The following GLI3 variants were observed in gnomAD, a reference collection of about 807,000 sequenced individuals.
GLI3 encodes transcription activator GLI3.
A neutral mutation model predicts 100.8 loss-of-function variants in GLI3; 20 were observed. The ratio of observed to expected loss-of-function variants is 0.20; its 90% CI spans 0.14 to 0.29. The LOEUF (loss-of-function observed/expected upper bound fraction) is 0.29. Among genes scored for constraint, GLI3 ranks in the 10% least tolerant of loss-of-function variants. The pLI is 1.00. For missense variants in GLI3, 2,040 were observed against 2,128.5 expected, an observed-to-expected ratio of 0.96 and a Z score of 0.82; for synonymous variants, 938 against 860.5, an observed-to-expected ratio of 1.09 and a Z score of -1.58.
intron 4 of GLI3, among the ~76,000 whole-genome samples, chr7:42,072,986 G>A (rs1784812808): frequency 6.6e-6 from 1 of 152,088 alleles, no homozygotes; most frequent in East Asian, 1.9e-4. Context: ...AACTTTCCGA[G>A]GAAACGGGAA....
At chr7:42,230,306 C>A (rs1286894772) in intron 1 of GLI3, among the ~76,000 whole-genome samples, 1 of 152,190 alleles carries the variant, frequency 6.6e-6, no homozygotes, top group African/African-American at 2.4e-5. Context: ...AAATCCACTG[C>A]CTAGTGTCTT....
rs745986297 is a variant in GLI3, at chr7:41,966,192, C to G, written c.2881G>C (p.Gly961Arg). The change falls in exon 15 of 15, where the codon GGG becomes CGG. Residue 961 changes from glycine to arginine, a missense_variant. Coordinates refer to ENST00000395925, the MANE Select transcript of GLI3 (RefSeq NM_000168.6). This position sits in a 1 kb window ranked among gnomAD's most constrained non-coding sequence, Gnocchi z 5.8. The part of the protein sequence containing the change: ...MSLKTRLALL[G>R]DALEPGVALP... ...GCCACGCCAGGCTCGAGGGCATCCC[C>G]GAGCAGCGCCAGGCGCGTCTTCAGG... 4 of 1,605,050 alleles carry G rather than the reference C, an allele frequency of 2.5e-6. No homozygotes were observed. The highest frequency in any genetic ancestry group is 3.4e-6 in the Non-Finnish European group (4 of 1,177,942).
Position 41,968,763 on chromosome 7 carries a change from G to GGAAAGAAA in GLI3, c.2104-848_2104-841dup, listed in dbSNP as rs71006451. On this transcript the variant is annotated intron_variant, in intron 13 of 14. Coordinates refer to ENST00000395925, the MANE Select transcript of GLI3 (RefSeq NM_000168.6). ...AAGAAAGAAAGAAAGAAAGAAAGAA[G>GGAAAGAAA]GAAAGAAAGAAAGAAAGAAAGAAAG... 2.1e-3 allele frequency among the ~76,000 whole-genome samples: 119 copies of GGAAAGAAA among 56,618 alleles called. 1 individual carries two copies. Among genetic ancestry groups the GGAAAGAAA allele is most frequent in the East Asian group, 7.4e-3 (12 of 1,632 alleles). 37.1% of individuals were successfully genotyped at this position (56,618 alleles called of 152,430 possible). A position where few individuals can be genotyped will look rare whatever the true frequency, so the allele number is the denominator to read the frequency against.
At position 42,051,728 on chromosome 7, in the gene GLI3, A is replaced by G. The variant is rs1784356552; in HGVS notation, c.474-3032T>C. 2.6e-5 allele frequency among the ~76,000 whole-genome samples: 4 copies of G among 152,298 alleles called. 1 individual carries two copies. The South Asian group carries it at 8.3e-4, about 32-fold the overall frequency. On this transcript the variant is annotated intron_variant, in intron 4 of 14. Transcript: ENST00000395925. ...ATTCATAGCAAAATTGAGCTGTAGTACAGAGATTTCCCATATAACCCCCAC... is the reference window on the plus strand; with the variant it reads ...ATTCATAGCAAAATTGAGCTGTAGTGCAGAGATTTCCCATATAACCCCCAC...
At chr7:42,055,466 C>T (rs1184861543) in intron 4 of GLI3, among the ~76,000 whole-genome samples, 1 of 151,030 alleles carries the variant, frequency 6.6e-6, no homozygotes, top group South Asian at 2.1e-4. Flanking sequence ...GAAAACAAGT[C>T]CCCTCCTCCC....
intron 4 of GLI3, 45 bp from the exon 5 acceptor site, chr7:42,048,741 A>G (rs1784297021): frequency 2.5e-6 from 3 of 1,198,314 alleles, no homozygotes; most frequent in Non-Finnish European, 3.7e-6. Flanking sequence ...CATGAGACAA[A>G]TATCTCCACA....
At chr7:42,066,437 G>C (rs1266193205) in intron 4 of GLI3, among the ~76,000 whole-genome samples, 1 of 152,098 alleles carries the variant, frequency 6.6e-6, no homozygotes, top group Non-Finnish European at 1.5e-5. Context: ...AAAAAGTCCA[G>C]TCTGTCTGGG....
At position 41,972,618 on chromosome 7, in the gene GLI3, C is replaced by T. The variant is rs767980267; in HGVS notation, c.1822G>A (p.Val608Met). The T allele has an allele frequency of 2.6e-5, 42 of 1,603,716 alleles. No homozygotes were observed. Among genetic ancestry groups the T allele is most frequent in the Non-Finnish European group, 3.6e-5 (42 of 1,179,758 alleles). The change falls in exon 13 of 15, where the codon GTG becomes ATG. Residue 608 changes from valine (V) to methionine (M), a missense_variant. This residue lies in a region of GLI3 where 61 missense variants were observed against 150.9 expected (regional missense o/e 0.40). Transcript: ENST00000395925. This position sits in a 1 kb window ranked among gnomAD's most constrained non-coding sequence, Gnocchi z 4.4. Reference sequence around the variant, plus strand: ...TTAGTGCAGCCTGGGATTTTGCACACATATGGTTTCTGCCAAATCCCACAA... The same window carrying T: ...TTAGTGCAGCCTGGGATTTTGCACATATATGGTTTCTGCCAAATCCCACAA... Reference protein sequence around the residue: ...NRTHSNEKPYVCKIPGCTKRY... With the variant: ...NRTHSNEKPYMCKIPGCTKRY...
intron 3 of GLI3, among the ~76,000 whole-genome samples, chr7:42,134,086 A>AG (rs1786363955): frequency 6.6e-6 from 1 of 151,664 alleles, no homozygotes; most frequent in Non-Finnish European, 1.5e-5. Flanking sequence ...GTCTCAAAAA[A>AG]AAAAAAAAAG....
At chr7:42,109,576 T>G (rs1918381) in intron 3 of GLI3, among the ~76,000 whole-genome samples, 143,568 of 152,288 alleles carry the variant, frequency 0.94, 68,192 homozygotes, top group East Asian at 1. Flanking sequence ...CATTTTCCAG[T>G]TGAGCATTCT....
At chr7:42,063,067 A>G (rs562516452) in intron 4 of GLI3, among the ~76,000 whole-genome samples, 1 of 152,246 alleles carries the variant, frequency 6.6e-6, no homozygotes, top group South Asian at 2.1e-4. Context: ...TAACCATCAC[A>G]CAACACATGC....
intron 10 of GLI3, among the ~76,000 whole-genome samples, chr7:41,994,212 G>A (rs1226439573): frequency 6.6e-6 from 1 of 152,162 alleles, no homozygotes; most frequent in East Asian, 1.9e-4. Flanking sequence ...AGATTAAGCT[G>A]CACTCTATCT....
chr7:42,181,502 G>T (rs3779172), intron 2 of GLI3, among the ~76,000 whole-genome samples: 18,059 of 152,072 alleles, frequency 0.12, 1,199 homozygotes, highest in South Asian at 0.24. Flanking sequence ...CTACATGGGA[G>T]GCTTAGGTGG....
chr7:42,027,747 T>C (rs1273433946), intron 7 of GLI3, among the ~76,000 whole-genome samples: 1 of 152,162 alleles, frequency 6.6e-6, no homozygotes, highest in Admixed American at 6.5e-5. Context: ...CCTAGGAGAA[T>C]TTCACCAGGC....
At chr7:42,154,540 T>C (rs1230733648) in intron 2 of GLI3, among the ~76,000 whole-genome samples, 2 of 152,250 alleles carry the variant, frequency 1.3e-5, no homozygotes, top group African/African-American at 4.8e-5. Flanking sequence ...TCAGCTTTTA[T>C]TTCTTTGGTT....
intron 7 of GLI3, among the ~76,000 whole-genome samples, chr7:42,030,675 A>C (rs1432299731): frequency 6.6e-6 from 1 of 151,820 alleles, no homozygotes; most frequent in Non-Finnish European, 1.5e-5. Flanking sequence ...TACAAATAGA[A>C]ATTATTACTA....
At chr7:42,032,586 A>G (rs1156762641) in intron 7 of GLI3, among the ~76,000 whole-genome samples, 1 of 152,202 alleles carries the variant, frequency 6.6e-6, no homozygotes, top group African/African-American at 2.4e-5. Flanking sequence ...AGAAAAGCCT[A>G]TGTTTTTTAA....
chr7:42,112,378 C>T (rs1785733322), intron 3 of GLI3, among the ~76,000 whole-genome samples: 1 of 151,866 alleles, frequency 6.6e-6, no homozygotes, highest in Non-Finnish European at 1.5e-5. Flanking sequence ...AAAAACACAG[C>T]TAGATAGAAT....
upstream of GLI3, among the ~76,000 whole-genome samples, chr7:42,238,182 GC>G (rs1788872146): frequency 6.6e-6 from 1 of 151,216 alleles, no homozygotes; most frequent in Non-Finnish European, 1.5e-5. Flanking sequence ...GATGTCACCC[GC>G]GCCCTCTCTC....
Sources: allele counts gnomAD v4.1 joint callset (sites outside exome capture counted in the v4.1 genomes callset), GRCh38; gene constraint gnomAD v4.1.1; regional missense constraint gnomAD v4.1.1; non-coding constraint Gnocchi (gnomAD v3.1); transcripts MANE v1.5; gene names NCBI Gene and HGNC (gene_info 2026-07-23, HGNC 2026-07-21).